The following FAM135A variants were observed in gnomAD, a reference collection of about 807,000 sequenced individuals.
FAM135A encodes the protein protein FAM135A.
In FAM135A, 79 loss-of-function variants were observed where a neutral mutation model predicts 146.8. That is an observed-to-expected ratio of 0.54 (90% CI 0.45 to 0.65). The LOEUF (loss-of-function observed/expected upper bound fraction) is 0.65. FAM135A is among the 30% of genes least tolerant of loss of function. FAM135A has a pLI of 0.00. For missense variants in FAM135A, 1,623 were observed against 1,758.2 expected (o/e 0.92, Z 1.38); for synonymous variants, 562 against 603.6 (o/e 0.93, Z 1.01).
Position 70,559,947 on chromosome 6 carries a change from C to G in FAM135A, c.*26C>G, listed in dbSNP as rs746599280. On this transcript the variant is annotated 3_prime_UTR_variant, in exon 22 of 22. Coordinates refer to ENST00000418814, the MANE Select transcript of FAM135A (RefSeq NM_001162529.3). ...TATAAAAGCATTGTTAGCGACTGGA[C>G]AATTACCTCATTCAACAATGTTTCA... 1 of 1,526,086 alleles carries G rather than the reference C, an allele frequency of 6.6e-7. No individual in the cohort carries two copies. The highest frequency in any genetic ancestry group is 1.7e-5 in the Admixed American group (1 of 57,426). 94.5% of individuals were successfully genotyped at this position (1,526,086 alleles called of 1,614,324 possible).
intron 18 of FAM135A, among the ~76,000 whole-genome samples, chr6:70,534,312 C>CTTTTTTTTTTTTTTTTTTTTTTTTTTTTT (rs1179072858): frequency 2.2e-5 from 2 of 89,804 alleles, no homozygotes; most frequent in African/African-American, 9.5e-5. Context: ...AGTTTGTATA[C>CTTTTTTTTTTTTTTTTTTTTTTTTTTTTT]TTTTTTTTTT....
intron 11 of FAM135A, among the ~76,000 whole-genome samples, chr6:70,502,129 G>A (rs1170044446): frequency 6.6e-6 from 1 of 152,170 alleles, no homozygotes; most frequent in African/African-American, 2.4e-5. Context: ...AAGTGAAGTA[G>A]AATCTAAGAA....
intron 20 of FAM135A, 35 bp downstream of exon 20, chr6:70,538,436 G>T: frequency 8.2e-7 from 1 of 1,213,458 alleles, no homozygotes; most frequent in South Asian, 2.6e-5. Flanking sequence ...AAATATACAT[G>T]TGAAAACTTT....
rs753782587 is a variant in FAM135A at position 70,524,038 on chromosome 6, C to T, written c.1175C>T (p.Pro392Leu). The T allele has an allele frequency of 6.2e-7, 1 of 1,613,154 alleles. No individual in the cohort carries two copies. The highest frequency in any genetic ancestry group is 8.5e-7 in the Non-Finnish European group (1 of 1,179,492). ...TSFCSSLPPLPIECSELDGDL... is the reference protein window; with the variant it reads ...TSFCSSLPPLLIECSELDGDL... ...TTCTGCAGTTCTCTTCCACCCTTAC[C>T]TATTGAATGTAGTGAATTAGATGGA... Residue 392 changes from proline (P) to leucine (L), a missense_variant, in exon 14 of 22, where the codon CCT becomes CTT. Pro to Leu is a moderately conservative substitution (Grantham distance 98). Transcript: ENST00000418814.
In FAM135A at chr6:70,560,051, T is replaced by C; in HGVS notation, c.*130T>C. The C allele has an allele frequency of 2.8e-6, 2 of 723,006 alleles. No individual in the cohort carries two copies. Among genetic ancestry groups the C allele is most frequent in the Non-Finnish European group, 4.3e-6 (2 of 462,710 alleles). The allele number at this position is 723,006 out of a possible 1,614,324, so 44.8% of individuals were successfully genotyped here. A position where few individuals can be genotyped will look rare whatever the true frequency, so the allele number is the denominator to read the frequency against. On this transcript the variant is annotated 3_prime_UTR_variant, in exon 22 of 22. Transcript: ENST00000418814. ...ACCTTTTTATATGGAAGATAATTTATATCATCCATGTTTAGTGCTTTTTAA... is the reference window on the plus strand; with the variant it reads ...ACCTTTTTATATGGAAGATAATTTACATCATCCATGTTTAGTGCTTTTTAA...
At chr6:70,500,780 G>A (rs1276982540) in intron 11 of FAM135A, among the ~76,000 whole-genome samples, 1 of 152,204 alleles carries the variant, frequency 6.6e-6, no homozygotes, top group Non-Finnish European at 1.5e-5. Flanking sequence ...GTCCACTCCA[G>A]GCCCTGTTTG....
At chr6:70,428,518 C>T (rs1434358755) in intron 4 of FAM135A, 99 bp downstream of exon 4, 4 of 674,960 alleles carry the variant, frequency 5.9e-6, no homozygotes, top group African/African-American at 3.8e-5. Flanking sequence ...ATAAGGAAAA[C>T]AATGAACTAT....
rs1772751231 is a variant in FAM135A, at chr6:70,435,111, T to TA, written c.77+6692_77+6693insA. ...TATATATATATATATATATATATAT[T>TA]TTTTTTTTTTTTTAGATGGAGTCTC... On this transcript the variant is annotated intron_variant, in intron 4 of 21. Coordinates refer to ENST00000418814, the MANE Select transcript of FAM135A (RefSeq NM_001162529.3). Among the ~76,000 whole-genome samples, 11 of 87,104 alleles carry TA rather than the reference T, an allele frequency of 1.3e-4. No homozygotes were observed. The South Asian group carries it at 1.3e-3, about 10-fold the overall frequency. 57.1% of individuals were successfully genotyped at this position (87,104 alleles called of 152,430 possible).
intron 7 of FAM135A, among the ~76,000 whole-genome samples, 181 bp from the exon 8 acceptor site, chr6:70,476,978 A>G (rs1372613325): frequency 6.6e-6 from 1 of 152,108 alleles, no homozygotes; most frequent in Non-Finnish European, 1.5e-5. Flanking sequence ...GGATCTGATT[A>G]TTTTCTCAAT....
chr6:70,487,851 A>G (rs1467052049), intron 10 of FAM135A, among the ~76,000 whole-genome samples: 6 of 152,160 alleles, frequency 3.9e-5, no homozygotes, highest in East Asian at 1.9e-4. Flanking sequence ...AATAAGATCT[A>G]TTTTTTAAAA....
intron 8 of FAM135A, among the ~76,000 whole-genome samples, chr6:70,480,068 T>A (rs914169637): frequency 2.5e-4 from 38 of 152,330 alleles, no homozygotes; most frequent in Admixed American, 2.0e-3. Flanking sequence ...CTTTTCCCTT[T>A]TGCCAAACTA....
At chr6:70,533,058 A>G (rs1252002313) in intron 16 of FAM135A, 102 bp from the exon 17 acceptor site, 23 of 856,198 alleles carry the variant, frequency 2.7e-5, no homozygotes, top group Non-Finnish European at 4.4e-5. Flanking sequence ...CACAAATGGC[A>G]TAGGCCATAA....
At chr6:70,556,113 G>A (rs1250961474) in intron 20 of FAM135A, among the ~76,000 whole-genome samples, 2 of 152,022 alleles carry the variant, frequency 1.3e-5, no homozygotes, top group East Asian at 1.9e-4. Flanking sequence ...GCCAGGTGTG[G>A]TGGCCCACAC....
intron 5 of FAM135A, among the ~76,000 whole-genome samples, chr6:70,470,644 A>G (rs1414690917): frequency 6.6e-6 from 1 of 152,248 alleles, no homozygotes; most frequent in African/African-American, 2.4e-5. Context: ...GGCGTGAGCC[A>G]CTGCACCCAG....
chr6:70,510,113 A>G (rs1373900393), intron 12 of FAM135A, among the ~76,000 whole-genome samples: 1 of 152,102 alleles, frequency 6.6e-6, no homozygotes. Context: ...ATACTGTAGA[A>G]CACTAAGTAT....
At chr6:70,448,498 G>A (rs560765209) in intron 4 of FAM135A, among the ~76,000 whole-genome samples, 11 of 152,168 alleles carry the variant, frequency 7.2e-5, no homozygotes, top group South Asian at 2.1e-4. Flanking sequence ...TTCTCCAACC[G>A]TCGCTCCGGT....
chr6:70,450,625 GTGTT>G (rs991484167), intron 4 of FAM135A, among the ~76,000 whole-genome samples: 6 of 143,514 alleles, frequency 4.2e-5, no homozygotes, highest in Admixed American at 7.3e-5. Context: ...ATTGGTTGCT[GTGTT>G]TGTTTTTATG....
At position 70,488,850 on chromosome 6, in the gene FAM135A, G is replaced by A. The variant is rs151049546; in HGVS notation, c.824-2184G>A. On this transcript the variant is annotated intron_variant, in intron 10 of 21. Transcript: ENST00000418814. ...GTGCACCTGCGTAGATCAAACCTAT[G>A]TTGCTCAAGGGTCTGTTATATATGT... Among the ~76,000 whole-genome samples, 43 of 152,070 alleles carry A rather than the reference G, an allele frequency of 2.8e-4. No homozygotes were observed. The East Asian group carries it at 8.3e-3, about 29-fold the overall frequency.
chr6:70,468,617 A>G lies in FAM135A; in HGVS notation c.158-6793A>G, dbSNP rs149399446. ...AGAGTCTTGTGTCTTCTGCCAACAT[A>G]TATGAAACTGTGGCAGACTAGCTTG... On this transcript the variant is annotated intron_variant, in intron 5 of 21. Coordinates refer to ENST00000418814, the MANE Select transcript of FAM135A (RefSeq NM_001162529.3). Among the ~76,000 whole-genome samples, 737 of 152,268 alleles carry G rather than the reference A, an allele frequency of 4.8e-3. 1 individual carries two copies. The highest frequency in any genetic ancestry group is 0.024 in the Middle Eastern group (7 of 294).
Sources: allele counts gnomAD v4.1 joint callset (sites outside exome capture counted in the v4.1 genomes callset), GRCh38; gene constraint gnomAD v4.1.1; transcripts MANE v1.5; gene names NCBI Gene and HGNC (gene_info 2026-07-23, HGNC 2026-07-21).